RAP1GAP2: variants seen among roughly 807,000 people sequenced by gnomAD.
RAP1GAP2 encodes the protein rap1 GTPase-activating protein 2.
A neutral mutation model predicts 95.0 loss-of-function variants in RAP1GAP2; 27 were observed. The observed-to-expected ratio is 0.28, with a 90% CI of 0.21 to 0.39. The LOEUF is 0.39. Among genes scored for constraint, RAP1GAP2 ranks in the 10% least tolerant of loss-of-function variants. The probability of loss-of-function intolerance (pLI) is 1.00; values close to 1 mark genes in which losing one functional copy is unlikely to be tolerated. For synonymous variants in RAP1GAP2, 373 were observed against 380.9 expected (o/e 0.98, Z 0.24); for missense variants, 771 against 970.0 (o/e 0.79, Z 2.72).
rs2042195950 is a variant in RAP1GAP2 at position 2,906,248 on chromosome 17, G to C, written c.165+880G>C. Among the ~76,000 whole-genome samples the C allele has an allele frequency of 6.6e-6, 1 of 152,158 alleles. No homozygotes were observed. The highest frequency in any genetic ancestry group is 1.5e-5 in the Non-Finnish European group (1 of 68,024). Reference sequence around the variant, plus strand: ...TGAGTGGCTCACAGGGAGATCATCAGGCATCTCTTCCTCACTGCTCTGCAT... The same window carrying C: ...TGAGTGGCTCACAGGGAGATCATCACGCATCTCTTCCTCACTGCTCTGCAT... On this transcript the variant is annotated intron_variant, in intron 3 of 24. Coordinates refer to ENST00000254695, the MANE Select transcript of RAP1GAP2 (RefSeq NM_015085.5). The surrounding 1 kb of genome is among the most constrained non-coding windows in gnomAD (Gnocchi z 4.3).
chr17:2,985,213 G>C (rs1331610492), intron 11 of RAP1GAP2, 147 bp downstream of exon 11: 1 of 1,387,644 alleles, frequency 7.2e-7, no homozygotes, highest in Non-Finnish European at 9.5e-7. Context: ...AATTAGACTG[G>C]AGGTGGCAGA....
rs2047110888 is a variant in RAP1GAP2 at position 3,026,236 on chromosome 17, C to T, written c.1866-114C>T. The stretch of plus-strand genomic sequence containing the variant: ...CTCCTGCCTCTGGAACTCTCCAGAA[C>T]ACAAAGGCCGACGGGTGGGGGCGTG... On this transcript the variant is annotated intron_variant, in intron 20 of 24. Coordinates refer to ENST00000254695, the MANE Select transcript of RAP1GAP2 (RefSeq NM_015085.5). 2.3e-6 allele frequency: 3 copies of T among 1,306,972 alleles called. No homozygotes were observed. In the African/African-American group the frequency reaches 4.4e-5, roughly 19 times the overall value. The allele number at this position is 1,306,972 out of a possible 1,614,324, so 81.0% of individuals were successfully genotyped here. A position where few individuals can be genotyped will look rare whatever the true frequency, so the allele number is the denominator to read the frequency against.
chr17:2,775,112 G>A (rs2068470799), upstream of RAP1GAP2, among the ~76,000 whole-genome samples: 1 of 151,564 alleles, frequency 6.6e-6, no homozygotes, highest in African/African-American at 2.4e-5. Flanking sequence ...GATTACAGGT[G>A]TGAGGCACCG....
At chr17:2,981,065 C>A in intron 9 of RAP1GAP2, 130 bp from the exon 10 acceptor site, 1 of 759,788 alleles carries the variant, frequency 1.3e-6, no homozygotes, top group South Asian at 1.8e-5. Context: ...GAGCAGCAGT[C>A]AGAATCCCCG....
intron 2 of RAP1GAP2, among the ~76,000 whole-genome samples, chr17:2,885,055 A>ATGGAGTCTCGCTCTGTCGCCCAGGC (rs2073440294): frequency 9.3e-6 from 1 of 108,010 alleles, no homozygotes. Flanking sequence ...TTTTTTTGAG[A>ATGGAGTCTCGCTCTGTCGCCCAGGC]TGGAGTCTCG....
At chr17:2,756,317 A>AG (rs1190542249) in intron 1 of RAP1GAP2, among the ~76,000 whole-genome samples, 1 of 152,204 alleles carries the variant, frequency 6.6e-6, no homozygotes. Context: ...AGGGCAGGGG[A>AG]GGGGTCCCCG....
intron 10 of RAP1GAP2, among the ~76,000 whole-genome samples, chr17:2,981,694 C>T (rs367876700): frequency 5.3e-5 from 8 of 152,260 alleles, no homozygotes; most frequent in South Asian, 2.1e-4. Context: ...TGCAGCTCTC[C>T]GGCCATATAA....
intron 2 of RAP1GAP2, among the ~76,000 whole-genome samples, chr17:2,807,187 G>A (rs773289750): frequency 1.3e-5 from 2 of 152,216 alleles, no homozygotes; most frequent in Non-Finnish European, 2.9e-5. Flanking sequence ...TTGGGCCACC[G>A]CCTCCGGCCG....
rs2045136364 is a variant in RAP1GAP2 at position 2,976,737 on chromosome 17, G to C, written c.597-3550G>C. 6.6e-5 allele frequency among the ~76,000 whole-genome samples: 10 copies of C among 152,190 alleles called. No homozygotes were observed. In the South Asian group the frequency reaches 1.9e-3, roughly 28 times the overall value. ...GGAAGCAAAAATAAAAAAGGATAGA[G>C]ATGGTAAAAGAAAAAACTCAGTCTT... On this transcript the variant is annotated intron_variant, in intron 8 of 24. Coordinates refer to ENST00000254695, the MANE Select transcript of RAP1GAP2 (RefSeq NM_015085.5).
At chr17:2,921,512 T>TA (rs1321110896) in intron 3 of RAP1GAP2, among the ~76,000 whole-genome samples, 1 of 152,192 alleles carries the variant, frequency 6.6e-6, no homozygotes, top group Non-Finnish European at 1.5e-5. Context: ...CAGGAATTTA[T>TA]TTTCTCACAA....
intron 17 of RAP1GAP2, among the ~76,000 whole-genome samples, chr17:3,017,556 T>C (rs1300820517): frequency 6.6e-6 from 1 of 152,174 alleles, no homozygotes; most frequent in Non-Finnish European, 1.5e-5. Flanking sequence ...TTATTACAGA[T>C]GGAGGCTCAG....
At position 2,870,594 on chromosome 17, in the gene RAP1GAP2, G is replaced by A. The variant is rs2072803799; in HGVS notation, c.81-34690G>A. 6.6e-6 allele frequency among the ~76,000 whole-genome samples: 1 copy of A among 151,902 alleles called. No homozygotes were observed. The highest frequency in any genetic ancestry group is 2.1e-4 in the South Asian group (1 of 4,820). On this transcript the variant is annotated intron_variant, in intron 2 of 24. Coordinates refer to ENST00000254695, the MANE Select transcript of RAP1GAP2 (RefSeq NM_015085.5). The surrounding 1 kb of genome is among the most constrained non-coding windows in gnomAD (Gnocchi z 4.4). ...TTTTTTTGTGGTCTTTTTTTTCTAT[G>A]CAAAAGCACACCCTTTCACGTAATA...
Position 2,853,566 on chromosome 17 carries a change from G to T in RAP1GAP2, c.81-51718G>T, listed in dbSNP as rs558967273. Among the ~76,000 whole-genome samples the T allele has an allele frequency of 1.5e-4, 22 of 150,982 alleles. No homozygotes were observed. The East Asian group carries it at 4.3e-3, about 30-fold the overall frequency. On this transcript the variant is annotated intron_variant, in intron 2 of 24. Coordinates refer to ENST00000254695, the MANE Select transcript of RAP1GAP2 (RefSeq NM_015085.5). ...GGGCGCCTGGGAGCCGGGCAGGGGGGTCCCGGGAGCGCTGTCCGCCTCCTC... is the reference window on the plus strand; with the variant it reads ...GGGCGCCTGGGAGCCGGGCAGGGGGTTCCCGGGAGCGCTGTCCGCCTCCTC...
intron 2 of RAP1GAP2, among the ~76,000 whole-genome samples, chr17:2,892,237 C>T (rs1457872963): frequency 6.6e-6 from 1 of 152,132 alleles, no homozygotes; most frequent in African/African-American, 2.4e-5. Flanking sequence ...TGGGATGGAT[C>T]TTGTGTCTTT....
chr17:2,824,610 C>T (rs1348410865), intron 2 of RAP1GAP2, among the ~76,000 whole-genome samples: 1 of 150,864 alleles, frequency 6.6e-6, no homozygotes, highest in Non-Finnish European at 1.5e-5. Flanking sequence ...CATGGTGGTG[C>T]ATGCCTGTAA....
chr17:3,011,618 T>G (rs2046549078), intron 17 of RAP1GAP2, among the ~76,000 whole-genome samples: 1 of 149,354 alleles, frequency 6.7e-6, no homozygotes, highest in African/African-American at 2.5e-5. Context: ...AGTTTTTTTT[T>G]TTTTTTTTTT....
At chr17:3,001,885 A>T (rs1192105467) in intron 14 of RAP1GAP2, among the ~76,000 whole-genome samples, 1 of 152,100 alleles carries the variant, frequency 6.6e-6, no homozygotes, top group African/African-American at 2.4e-5. Flanking sequence ...TGGTGCACTC[A>T]TACAGAGAAA....
chr17:2,948,863 CT>C (rs1321637015), intron 3 of RAP1GAP2, among the ~76,000 whole-genome samples: 1 of 152,194 alleles, frequency 6.6e-6, no homozygotes, highest in African/African-American at 2.4e-5. Flanking sequence ...CGAGTGCCAT[CT>C]TTTCCCGTCG....
At position 2,757,994 on chromosome 17, in the gene RAP1GAP2, T is replaced by C. The variant is rs577940536; in HGVS notation, c.50+2227T>C. On this transcript the variant is annotated intron_variant, in intron 1 of 25. Coordinates refer to the RAP1GAP2 transcript ENST00000637138. ...ACACCATTCTCCTGCCTCAGCCTCC[T>C]GAGTAGCTGGGACTACAGGTGCCCG... Among the ~76,000 whole-genome samples, 730 of 150,480 alleles carry C rather than the reference T, an allele frequency of 4.9e-3. 3 individuals carry two copies. The highest frequency in any genetic ancestry group is 8.9e-3 in the Non-Finnish European group (601 of 67,576).
Sources: gnomAD v4.1 joint callset for allele counts (sites outside exome capture counted in the v4.1 genomes callset) on GRCh38, gnomAD v4.1.1 for gene constraint, Gnocchi (gnomAD v3.1) non-coding constraint, MANE v1.5 for transcripts, NCBI Gene and HGNC (gene_info 2026-07-23, HGNC 2026-07-21) for gene names.